Variants in RBBP4 observed in about 807,000 individuals in gnomAD.
The protein encoded by RBBP4 is histone-binding protein RBBP4.
A neutral mutation model predicts 57.2 loss-of-function variants in RBBP4; 3 were observed. That is an observed-to-expected ratio of 0.05 (90% CI 0.02 to 0.14). RBBP4 has a LOEUF of 0.14. Among genes scored for constraint, RBBP4 ranks in the 10% least tolerant of loss-of-function variants. The pLI is 1.00. For missense variants in RBBP4, 107 were observed against 520.6 expected, an observed-to-expected ratio of 0.21 and a Z score of 7.73; for synonymous variants, 151 against 171.5, an observed-to-expected ratio of 0.88 and a Z score of 0.93.
intron 11 of RBBP4, 84 bp downstream of exon 11, chr1:32,672,985 C>T: frequency 8.9e-7 from 1 of 1,120,658 alleles, no homozygotes; most frequent in Non-Finnish European, 1.3e-6. Flanking sequence ...ATGATTACAG[C>T]TACCATCTCT....
chr1:32,661,617 TC>T (rs1240226796), intron 3 of RBBP4, among the ~76,000 whole-genome samples: 1 of 151,988 alleles, frequency 6.6e-6, no homozygotes, highest in Non-Finnish European at 1.5e-5. Flanking sequence ...TTGAGAAATC[TC>T]CACAGACTGC....
intron 1 of RBBP4, 53 bp downstream of exon 1, chr1:32,651,375 C>T (rs1306014641): frequency 2.1e-6 from 3 of 1,403,470 alleles, no homozygotes; most frequent in African/African-American, 1.5e-5. Flanking sequence ...GGCTGAGCCG[C>T]GGCCTCGACA....
rs1448387561 is a variant in RBBP4, at chr1:32,651,253, C to T, written c.-54C>T. 3.3e-6 allele frequency: 5 copies of T among 1,505,858 alleles called. No individual in the cohort carries two copies. Among genetic ancestry groups the T allele is most frequent in the Non-Finnish European group, 2.7e-6 (3 of 1,127,492 alleles). The allele number at this position is 1,505,858 out of a possible 1,614,324, so 93.3% of individuals were successfully genotyped here. A position where few individuals can be genotyped will look rare whatever the true frequency, so the allele number is the denominator to read the frequency against. On this transcript the variant is annotated 5_prime_UTR_variant, in exon 1 of 12. Coordinates refer to ENST00000373493, the MANE Select transcript of RBBP4 (RefSeq NM_005610.3). ...GCACAGAGCGAGCTCTTGCAGCCTC[C>T]CCGCCCCTCCCGCAACGCTCGACCC...
intron 11 of RBBP4, among the ~76,000 whole-genome samples, chr1:32,676,455 C>A (rs567751482): frequency 1.9e-4 from 29 of 150,194 alleles, no homozygotes; most frequent in Admixed American, 3.3e-4. Context: ...AAAATAAATA[C>A]AAAAATTAGC....
chr1:32,680,595 T>TA lies in RBBP4; in HGVS notation c.*891dup, dbSNP rs1464488807. 2.8e-6 allele frequency: 4 copies of TA among 1,419,004 alleles called. No homozygotes were observed. The highest frequency in any genetic ancestry group is 5.0e-5 in the East Asian group (2 of 40,098). 87.9% of individuals were successfully genotyped at this position (1,419,004 alleles called of 1,614,324 possible). Reference sequence around the variant, plus strand: ...TGACCTGTTTCACCAGCAGGCCTGTTACTCTCCATGACTAACTGTGTAAGT... The same window carrying TA: ...TGACCTGTTTCACCAGCAGGCCTGTTAACTCTCCATGACTAACTGTGTAAGT... On this transcript the variant is annotated 3_prime_UTR_variant, in exon 12 of 12. Coordinates refer to ENST00000373493, the MANE Select transcript of RBBP4 (RefSeq NM_005610.3).
intron 2 of RBBP4, among the ~76,000 whole-genome samples, chr1:32,654,078 T>C (rs1648030772): frequency 6.6e-6 from 1 of 151,980 alleles, no homozygotes; most frequent in Non-Finnish European, 1.5e-5. Flanking sequence ...TTCAAACCAT[T>C]TAGGAACTTA....
chr1:32,675,449 A>C (rs886999824), intron 11 of RBBP4, among the ~76,000 whole-genome samples: 1 of 151,742 alleles, frequency 6.6e-6, no homozygotes, highest in Non-Finnish European at 1.5e-5. Context: ...CCATCACAAC[A>C]TTCATACTTT....
Position 32,684,141 on chromosome 1 carries a change from A to G in RBBP4, c.*4436A>G. ...TGTGTTTTTGGATAAGCACAATTTG[A>G]AAATCATTTCCCAAATCCTCTTTTT... On this transcript the variant is annotated 3_prime_UTR_variant, in exon 12 of 12. Transcript: ENST00000373493. The G allele has an allele frequency of 6.2e-7, 1 of 1,607,458 alleles. No homozygotes were observed. The highest frequency in any genetic ancestry group is 8.5e-7 in the Non-Finnish European group (1 of 1,176,584).
chr1:32,662,176 G>T (rs1307083708), intron 3 of RBBP4: 2 of 309,710 alleles, frequency 6.5e-6, no homozygotes, highest in Admixed American at 3.8e-5. Flanking sequence ...GAGCCACCGC[G>T]CCCGGGTTTT....
rs201100379 is a variant in RBBP4, at chr1:32,684,187, A to G, written c.*4482A>G. 829 of 1,605,600 alleles carry G rather than the reference A, an allele frequency of 5.2e-4. 1 individual carries two copies. Among genetic ancestry groups the G allele is most frequent in the South Asian group, 6.7e-4 (61 of 90,454 alleles). On this transcript the variant is annotated 3_prime_UTR_variant, in exon 12 of 12. Coordinates refer to ENST00000373493, the MANE Select transcript of RBBP4 (RefSeq NM_005610.3). ...TTTTTGTTTTTGATTCTAAGGTAAAATTTTCCCTAAGCCCTCCCACCATCC... is the reference window on the plus strand; with the variant it reads ...TTTTTGTTTTTGATTCTAAGGTAAAGTTTTCCCTAAGCCCTCCCACCATCC...
chr1:32,657,636 T>C, intron 3 of RBBP4, 64 bp downstream of exon 3: 4 of 1,518,364 alleles, frequency 2.6e-6, no homozygotes, highest in Non-Finnish European at 3.6e-6. Context: ...TGCACTTTGA[T>C]AAAGTAAACT....
rs1220935450 is a variant in RBBP4, at chr1:32,686,143, C to A, written c.*6438C>A. The A allele has an allele frequency of 6.6e-6, 1 of 152,114 alleles. No homozygotes were observed. Among genetic ancestry groups the A allele is most frequent in the Non-Finnish European group, 1.5e-5 (1 of 68,022 alleles). 9.4% of individuals were successfully genotyped at this position (152,114 alleles called of 1,614,324 possible). ...ACAGCACACAAAATGTAAAATATGT[C>A]AAAAATATTTGATACTGATTACATG... On this transcript the variant is annotated 3_prime_UTR_variant, in exon 12 of 12. Transcript: ENST00000373493.
At chr1:32,660,456 G>T (rs916229762) in intron 3 of RBBP4, among the ~76,000 whole-genome samples, 2 of 148,712 alleles carry the variant, frequency 1.3e-5, no homozygotes, top group African/African-American at 5.1e-5. Context: ...TGGCTCTGTC[G>T]CCCAGGCTGT....
intron 3 of RBBP4, among the ~76,000 whole-genome samples, chr1:32,659,786 C>A (rs1231606238): frequency 6.6e-6 from 1 of 152,154 alleles, no homozygotes. Context: ...AGATGGAGAC[C>A]TGCCTCCTTT....
rs1012227024 is a variant in RBBP4 at position 32,680,680 on chromosome 1, A to T, written c.*975A>T. Reference sequence around the variant, plus strand: ...CCCATGCTGATGGGTTTTATTTAGTATAAAACATCCATCAAACACCAGTCT... The same window carrying T: ...CCCATGCTGATGGGTTTTATTTAGTTTAAAACATCCATCAAACACCAGTCT... On this transcript the variant is annotated 3_prime_UTR_variant, in exon 12 of 12. Transcript: ENST00000373493. 2 of 783,918 alleles carry T rather than the reference A, an allele frequency of 2.6e-6. No homozygotes were observed. The highest frequency in any genetic ancestry group is 2.0e-6 in the Non-Finnish European group (1 of 500,732). 48.6% of individuals were successfully genotyped at this position (783,918 alleles called of 1,614,324 possible).
chr1:32,677,045 GAGTA>G (rs1483577922), intron 11 of RBBP4, among the ~76,000 whole-genome samples: 10 of 152,166 alleles, frequency 6.6e-5, no homozygotes, highest in African/African-American at 2.2e-4. Context: ...CATTGTAATA[GAGTA>G]AGTAAATATT....
rs1037007907 is a variant in RBBP4 at position 32,651,281 on chromosome 1, G to C, written c.-26G>C. Reference sequence around the variant, plus strand: ...GCCCCTCCCGCAACGCTCGACCCCAGGATTCCCCCGGCTCGCCTGCCCGCC... The same window carrying C: ...GCCCCTCCCGCAACGCTCGACCCCACGATTCCCCCGGCTCGCCTGCCCGCC... On this transcript the variant is annotated 5_prime_UTR_variant, in exon 1 of 12. Transcript: ENST00000373493. 6.7e-6 allele frequency: 10 copies of C among 1,492,630 alleles called. No homozygotes were observed. The African/African-American group carries it at 1.3e-4, about 20-fold the overall frequency. 92.5% of individuals were successfully genotyped at this position (1,492,630 alleles called of 1,614,324 possible).
At chr1:32,668,636 T>C (rs942540149) in intron 4 of RBBP4, 103 bp from the exon 5 acceptor site, 7 of 947,420 alleles carry the variant, frequency 7.4e-6, no homozygotes, top group Non-Finnish European at 9.7e-6. Flanking sequence ...ATATCATTTA[T>C]AAATGTTAAG....
chr1:32,652,666 C>CAAGT (rs1647888158), intron 2 of RBBP4, among the ~76,000 whole-genome samples: 1 of 152,126 alleles, frequency 6.6e-6, no homozygotes, highest in Non-Finnish European at 1.5e-5. Flanking sequence ...TAAGCCCTCC[C>CAAGT]AAGTAGCTGG....
Sources: gnomAD v4.1 joint callset for allele counts (sites outside exome capture counted in the v4.1 genomes callset) on GRCh38, gnomAD v4.1.1 for gene constraint, MANE v1.5 for transcripts, NCBI Gene and HGNC (gene_info 2026-07-23, HGNC 2026-07-21) for gene names.